PALB2: variants seen among roughly 807,000 people sequenced by gnomAD.
PALB2 encodes partner and localizer of BRCA2, also known as mutant partner and localizer of BRCA2.
In PALB2, 82 loss-of-function variants were observed where a neutral mutation model predicts 107.4. The observed-to-expected ratio is 0.76, with a 90% CI of 0.64 to 0.92. The LOEUF is 0.92. PALB2 is among the 40% of genes least tolerant of loss of function. The probability of loss-of-function intolerance (pLI) is 0.00; values close to 1 mark genes in which losing one functional copy is unlikely to be tolerated. For synonymous variants in PALB2, 489 were observed against 496.8 expected (o/e 0.98, Z 0.21); for missense variants, 1,374 against 1,379.9 (o/e 1.00, Z 0.07).
At chr16:23,625,549 C>T (rs1966840882) in intron 7 of PALB2, among the ~76,000 whole-genome samples, 1 of 151,976 alleles carries the variant, frequency 6.6e-6, no homozygotes, top group Admixed American at 6.6e-5. Context: ...AATCCCAGCA[C>T]TTTGCGAGGC....
At chr16:23,610,207 T>C (rs1009877209) in intron 11 of PALB2, among the ~76,000 whole-genome samples, 13 of 152,172 alleles carry the variant, frequency 8.5e-5, no homozygotes, top group Non-Finnish European at 1.9e-4. Flanking sequence ...AAACAGAGAT[T>C]GTAAGGCCAG....
chr16:23,619,952 G>C (rs1461900125), intron 10 of PALB2, among the ~76,000 whole-genome samples: 3 of 152,056 alleles, frequency 2.0e-5, no homozygotes, highest in African/African-American at 7.2e-5. Context: ...GCTAATTTTT[G>C]TATTTTTAGT....
At chr16:23,632,859 C>G (rs76639146) in intron 4 of PALB2, among the ~76,000 whole-genome samples, 1 of 152,074 alleles carries the variant, frequency 6.6e-6, no homozygotes, top group African/African-American at 2.4e-5. Context: ...TTTGGGAGGC[C>G]GAGGTGGGTA....
intron 10 of PALB2, 23 bp from the exon 11 acceptor site, chr16:23,614,114 G>A (rs2142300519): frequency 6.7e-7 from 1 of 1,497,356 alleles, no homozygotes; most frequent in Non-Finnish European, 9.3e-7. Context: ...AAATAAATAA[G>A]CTGATCACAT....
Position 23,629,293 on chromosome 16 carries a change from ACAT to A in PALB2, c.2515-21_2515-19del, listed in dbSNP as rs1064794514. The A allele has an allele frequency of 1.9e-5, 31 of 1,605,320 alleles. No individual in the cohort carries two copies. Among genetic ancestry groups the A allele is most frequent in the Non-Finnish European group, 2.6e-5 (30 of 1,173,078 alleles). On this transcript the variant is annotated intron_variant, in intron 5 of 12. Coordinates refer to ENST00000261584, the MANE Select transcript of PALB2 (RefSeq NM_024675.4). The stretch of plus-strand genomic sequence containing the variant: ...GTTTCAGTCTGTGAAAACAAAAGTC[ACAT>A]CATTAGTCTACACTTTATGTATAAT...
chr16:23,608,255 G>C (rs1275965943), intron 11 of PALB2, among the ~76,000 whole-genome samples: 1 of 151,162 alleles, frequency 6.6e-6, no homozygotes, highest in African/African-American at 2.4e-5. Flanking sequence ...AGGCCTTCCT[G>C]TGTTACCCAG....
At chr16:23,607,288 ATTT>A (rs11356162) in intron 12 of PALB2, 9,393 of 127,050 alleles carry the variant, frequency 0.074, 341 homozygotes, top group East Asian at 0.18. Flanking sequence ...CTTTATGTGA[ATTT>A]TTTTTTTTTT....
chr16:23,609,568 C>A (rs1048750948), intron 11 of PALB2, among the ~76,000 whole-genome samples: 6 of 152,160 alleles, frequency 3.9e-5, no homozygotes, highest in Non-Finnish European at 5.9e-5. Flanking sequence ...CCCAGGCTGG[C>A]GTGCAGTGGT....
intron 1 of PALB2, 115 bp downstream of exon 1, chr16:23,640,994 AG>A (rs1967222566): frequency 1.7e-6 from 2 of 1,150,476 alleles, no homozygotes; most frequent in Non-Finnish European, 2.5e-6. Flanking sequence ...CCCTAAGAGG[AG>A]GGGGTGGTCA....
Position 23,635,293 on chromosome 16 carries a change from T to C in PALB2, c.1253A>G (p.Asn418Ser), listed in dbSNP as rs1784498384. The change falls in exon 4 of 13, where the codon AAT becomes AGT. Residue 418 changes from asparagine (N) to serine (S), a missense_variant. Coordinates refer to ENST00000261584, the MANE Select transcript of PALB2 (RefSeq NM_024675.4). ...YYVRTTRSMS[N>S]CQRKVAVEAV... The stretch of plus-strand genomic sequence containing the variant: ...CTCCACGGCTACTTTCCTCTGGCAA[T>C]TGGACATGCTTCGTGTTGTTCTAAC... 2 of 1,614,160 alleles carry C rather than the reference T, an allele frequency of 1.2e-6. No individual in the cohort carries two copies. The highest frequency in any genetic ancestry group is 1.7e-6 in the Non-Finnish European group (2 of 1,180,036).
chr16:23,621,408 G>A lies in PALB2; in HGVS notation c.3067C>T (p.Gln1023Ter), dbSNP rs1555459386. ...ILTFAEVQGM[Q>*]EALLGTTIMN... The stretch of plus-strand genomic sequence containing the variant: ...ATAGTAGTACCAAGCAGAGCTTCTT[G>A]CATCCCTTGGACCTCAGCAAAAGTT... Residue 1023 changes from glutamine to a stop codon, truncating the protein, a stop_gained, in exon 10 of 13, where the codon CAA becomes TAA. Transcript: ENST00000261584. LOFTEE classifies it high-confidence loss of function. 1 of 1,613,902 alleles carries A rather than the reference G, an allele frequency of 6.2e-7. No homozygotes were observed. The highest frequency in any genetic ancestry group is 1.7e-5 in the Admixed American group (1 of 59,980).
intron 3 of PALB2, 47 bp from the exon 4 acceptor site, chr16:23,636,381 AAAAC>A: frequency 7.7e-7 from 1 of 1,300,626 alleles, no homozygotes; most frequent in Non-Finnish European, 1.0e-6. Context: ...CTTATAAAAT[AAAAC>A]AAAAAATACT....
chr16:23,620,188 T>C (rs1372050855), intron 10 of PALB2, among the ~76,000 whole-genome samples: 1 of 152,268 alleles, frequency 6.6e-6, no homozygotes, highest in Non-Finnish European at 1.5e-5. Context: ...TTACCTGAGC[T>C]GCTTTCAGTC....
intron 12 of PALB2, among the ~76,000 whole-genome samples, chr16:23,606,289 C>T (rs997220325): frequency 6.6e-6 from 1 of 151,800 alleles, no homozygotes; most frequent in African/African-American, 2.4e-5. Context: ...ACCTGTAGTC[C>T]CAGCTACTTG....
chr16:23,622,817 C>T, intron 9 of PALB2, 152 bp downstream of exon 9: 1 of 848,016 alleles, frequency 1.2e-6, no homozygotes, highest in Non-Finnish European at 1.9e-6. Flanking sequence ...CACTAACCTG[C>T]TTCTATGTCA....
chr16:23,611,078 G>GTCTATCTATCTATCTA (rs201931763), intron 11 of PALB2, among the ~76,000 whole-genome samples: 17 of 148,204 alleles, frequency 1.1e-4, no homozygotes, highest in South Asian at 2.1e-4. Context: ...TCAACTGTCA[G>GTCTATCTATCTATCTA]TCTATCTATC....
At chr16:23,618,318 A>G (rs1966718470) in intron 10 of PALB2, among the ~76,000 whole-genome samples, 1 of 152,126 alleles carries the variant, frequency 6.6e-6, no homozygotes, top group East Asian at 1.9e-4. Flanking sequence ...TTTCAGAAAG[A>G]AATCCCTTCC....
Position 23,626,390 on chromosome 16 carries a change from G to A in PALB2, c.2594C>T (p.Ser865Leu), listed in dbSNP as rs746604683. 6.2e-7 allele frequency: 1 copy of A among 1,614,162 alleles called. No individual in the cohort carries two copies. The highest frequency in any genetic ancestry group is 1.1e-5 in the South Asian group (1 of 91,078). Residue 865 changes from serine to leucine, a missense_variant, in exon 7 of 13, where the codon TCA (serine) becomes TTA (leucine). Coordinates refer to ENST00000261584, the MANE Select transcript of PALB2 (RefSeq NM_024675.4). ...ACTCACATCTACGGAACAGGAACCTGAAGGATTCTGACACAATGGCAACAG... is the reference window on the plus strand; with the variant it reads ...ACTCACATCTACGGAACAGGAACCTAAAGGATTCTGACACAATGGCAACAG... ...LQLVSELKNP[S>L]GSCSVDVSAM...
chr16:23,635,371 T>C lies in PALB2; in HGVS notation c.1175A>G (p.Glu392Gly), dbSNP rs1555461424. 6.2e-7 allele frequency: 1 copy of C among 1,614,036 alleles called. No individual in the cohort carries two copies. The highest frequency in any genetic ancestry group is 1.1e-5 in the South Asian group (1 of 91,084). The change falls in exon 4 of 13, where the codon GAA becomes GGA. Residue 392 changes from glutamate to glycine, a missense_variant. Transcript: ENST00000261584. Reference protein sequence around the residue: ...SLEATSPLSAEKHSCTVPEGL... With the variant: ...SLEATSPLSAGKHSCTVPEGL... Reference sequence around the variant, plus strand: ...TTCAGGCACTGTGCAAGAATGTTTTTCTGCAGAAAGAGGAGAGGTTGCTTC... The same window carrying C: ...TTCAGGCACTGTGCAAGAATGTTTTCCTGCAGAAAGAGGAGAGGTTGCTTC...
Sources: gnomAD v4.1 joint callset for allele counts (sites outside exome capture counted in the v4.1 genomes callset) on GRCh38, gnomAD v4.1.1 for gene constraint, MANE v1.5 for transcripts, NCBI Gene and HGNC (gene_info 2026-07-23, HGNC 2026-07-21) for gene names.